FAF1: variants seen among roughly 807,000 people sequenced by gnomAD.
FAF1 encodes FAS-associated factor 1.
Under a neutral mutation model 92.5 loss-of-function variants are expected in FAF1, and 25 were observed. That is an observed-to-expected ratio of 0.27 (90% CI 0.20 to 0.38). FAF1 has a LOEUF of 0.38. Among genes scored for constraint, FAF1 ranks in the 10% least tolerant of loss-of-function variants. The probability of loss-of-function intolerance (pLI) is 1.00; values close to 1 mark genes in which losing one functional copy is unlikely to be tolerated. For missense variants in FAF1, 636 were observed against 793.3 expected, an observed-to-expected ratio of 0.80 and a Z score of 2.38; for synonymous variants, 234 against 273.2, an observed-to-expected ratio of 0.86 and a Z score of 1.42.
rs576455079 is a variant in FAF1, at chr1:50,440,614, C to T, written c.*826G>A. ...AAGAGAGAATTGTGTTCAGTTTACA[C>T]TGATGGACTAGCAACTTGGGAGCTG... On this transcript the variant is annotated 3_prime_UTR_variant, in exon 19 of 19. Coordinates refer to ENST00000396153, the MANE Select transcript of FAF1 (RefSeq NM_007051.3). 2.0e-5 allele frequency: 3 copies of T among 152,374 alleles called. No individual in the cohort carries two copies. The South Asian group carries it at 6.2e-4, about 32-fold the overall frequency. The allele number at this position is 152,374 out of a possible 1,614,324, so 9.4% of individuals were successfully genotyped here.
chr1:50,439,307 T>C lies in FAF1; in HGVS notation c.*2133A>G, dbSNP rs768371770. 1 of 152,258 alleles carries C rather than the reference T, an allele frequency of 6.6e-6. No individual in the cohort carries two copies. The highest frequency in any genetic ancestry group is 1.5e-5 in the Non-Finnish European group (1 of 68,054). 9.4% of individuals were successfully genotyped at this position (152,258 alleles called of 1,614,324 possible). On this transcript the variant is annotated 3_prime_UTR_variant, in exon 19 of 19. Transcript: ENST00000396153. ...TTGTCTGAAGCTTAGTAGACCATCA[T>C]GTCCTGAGTGAACAGTGACAATTAG...
chr1:50,671,610 T>G (rs1655882901), intron 7 of FAF1, among the ~76,000 whole-genome samples: 1 of 152,208 alleles, frequency 6.6e-6, no homozygotes, highest in Admixed American at 6.6e-5. Flanking sequence ...TCCCTTTTTT[T>G]GGGTCAAGAT....
At chr1:50,617,940 T>C (rs1653004448) in intron 8 of FAF1, among the ~76,000 whole-genome samples, 1 of 152,176 alleles carries the variant, frequency 6.6e-6, no homozygotes, top group Non-Finnish European at 1.5e-5. Flanking sequence ...CTAATTTGTG[T>C]GCATAGAGTT....
At chr1:50,902,497 T>G (rs986237533) in intron 1 of FAF1, among the ~76,000 whole-genome samples, 1 of 152,196 alleles carries the variant, frequency 6.6e-6, no homozygotes, top group African/African-American at 2.4e-5. Context: ...TAGGGCTACT[T>G]AAAATTTTTA....
intron 1 of FAF1, among the ~76,000 whole-genome samples, chr1:50,914,038 G>A (rs1340526327): frequency 6.6e-6 from 1 of 152,104 alleles, no homozygotes; most frequent in Non-Finnish European, 1.5e-5. Flanking sequence ...TCAATCTCCT[G>A]TATATCTGTT....
At position 50,788,171 on chromosome 1, in the gene FAF1, A is replaced by G. The variant is rs1435882499; in HGVS notation, c.196T>C (p.Phe66Leu). 1.9e-6 allele frequency: 3 copies of G among 1,614,020 alleles called. No homozygotes were observed. In the African/African-American group the frequency reaches 4.0e-5, roughly 22 times the overall value. Residue 66 changes from phenylalanine to leucine, a missense_variant, in exon 4 of 19, where the codon TTT becomes CTT. Around this residue, in one of 2 missense-constraint regions of FAF1, gnomAD observed 317 missense variants for 342.4 expected, o/e 0.93. Coordinates refer to ENST00000396153, the MANE Select transcript of FAF1 (RefSeq NM_007051.3). ...GAAGCTGGATGACTTGCTGGATTAA[A>G]TGCAGGTCCTGGTATGGTCTCACCT... ...YGGETIPGPA[F>L]NPASHPASAP... is the part of the protein sequence containing the mutation.
intron 1 of FAF1, among the ~76,000 whole-genome samples, chr1:50,885,775 T>C (rs1644656983): frequency 6.6e-6 from 1 of 152,188 alleles, no homozygotes; most frequent in African/African-American, 2.4e-5. Context: ...GTTGCCTTCC[T>C]TTCTTCCTTT....
intron 1 of FAF1, among the ~76,000 whole-genome samples, chr1:50,926,052 T>C (rs978853508): frequency 3.9e-5 from 6 of 151,944 alleles, no homozygotes; most frequent in African/African-American, 1.5e-4. Context: ...CCCATCTCTA[T>C]AAAAAGTAAA....
intron 1 of FAF1, among the ~76,000 whole-genome samples, chr1:50,929,071 C>CAAAAA (rs59078269): frequency 5.4e-5 from 2 of 36,766 alleles, no homozygotes; most frequent in African/African-American, 1.2e-4. Context: ...GACACTGTCT[C>CAAAAA]AAAAAAAAAA....
intron 7 of FAF1, among the ~76,000 whole-genome samples, chr1:50,663,036 C>T (rs1339038873): frequency 1.3e-5 from 2 of 151,442 alleles, no homozygotes; most frequent in East Asian, 1.9e-4. Context: ...CTGGATTTTA[C>T]GATAAAAGAC....
intron 1 of FAF1, among the ~76,000 whole-genome samples, chr1:50,901,041 GTAGA>G (rs1022416903): frequency 6.6e-6 from 1 of 152,060 alleles, no homozygotes; most frequent in Non-Finnish European, 1.5e-5. Flanking sequence ...ATTAAAAAAA[GTAGA>G]TAGAAAAATA....
At chr1:50,744,817 C>G in intron 4 of FAF1, 42 bp from the exon 5 acceptor site, 2 of 1,194,570 alleles carry the variant, frequency 1.7e-6, no homozygotes, top group Non-Finnish European at 2.4e-6. Context: ...AACAAAATAA[C>G]ACAGTTAACA....
chr1:50,510,938 C>A (rs539527480), intron 15 of FAF1, among the ~76,000 whole-genome samples: 53 of 152,206 alleles, frequency 3.5e-4, no homozygotes, highest in Admixed American at 3.2e-3. Flanking sequence ...TTATTTTAAA[C>A]TCTGCCTATG....
At position 50,554,623 on chromosome 1, in the gene FAF1, C is replaced by A. The variant is rs576155499; in HGVS notation, c.1268+12454G>T. ...TTACTGTCGTCTTCTTCACTACACC[C>A]CACTAAAATCACTCTGATCAGATTA... On this transcript the variant is annotated intron_variant, in intron 13 of 18. Coordinates refer to ENST00000396153, the MANE Select transcript of FAF1 (RefSeq NM_007051.3). Among the ~76,000 whole-genome samples, 3 of 152,152 alleles carry A rather than the reference C, an allele frequency of 2.0e-5. No individual in the cohort carries two copies. The East Asian group carries it at 5.8e-4, about 29-fold the overall frequency.
rs1557967046 is a variant in FAF1, at chr1:50,490,680, GA to G, written c.1576-16del. 1 of 1,546,130 alleles carries G rather than the reference GA, an allele frequency of 6.5e-7. No homozygotes were observed. The highest frequency in any genetic ancestry group is 1.7e-5 in the Admixed American group (1 of 59,878). On this transcript the variant is annotated splice_polypyrimidine_tract_variant and intron_variant, in intron 16 of 18. Transcript: ENST00000396153. ...TGAGCTTCCCTCTGTTGATAAAACAGAAAAGGAACAAGCACTTAACACATAC... is the reference window on the plus strand; with the variant it reads ...TGAGCTTCCCTCTGTTGATAAAACAGAAAGGAACAAGCACTTAACACATAC...
At chr1:50,876,192 G>C (rs922622640) in intron 1 of FAF1, among the ~76,000 whole-genome samples, 5 of 152,184 alleles carry the variant, frequency 3.3e-5, no homozygotes, top group African/African-American at 9.7e-5. Context: ...ATGAAATGGA[G>C]TACGTCAGGC....
At chr1:50,554,378 T>G (rs1368190141) in intron 13 of FAF1, among the ~76,000 whole-genome samples, 6 of 99,978 alleles carry the variant, frequency 6.0e-5, no homozygotes, top group African/African-American at 1.0e-4. Context: ...TATATATATA[T>G]ATATATATAT....
intron 1 of FAF1, among the ~76,000 whole-genome samples, chr1:50,933,008 G>A (rs1254676725): frequency 1.3e-5 from 2 of 152,090 alleles, no homozygotes; most frequent in African/African-American, 4.8e-5. Flanking sequence ...TGGGACACAG[G>A]GCACCAAGTT....
At chr1:50,554,389 A>AGAGAGAGAG (rs1246631181) in intron 13 of FAF1, among the ~76,000 whole-genome samples, 1 of 103,784 alleles carries the variant, frequency 9.6e-6, no homozygotes, top group Non-Finnish European at 2.1e-5. Context: ...ATATATATAT[A>AGAGAGAGAG]TAGAGAGAGA....
Sources: gnomAD v4.1 joint callset for allele counts (sites outside exome capture counted in the v4.1 genomes callset) on GRCh38, gnomAD v4.1.1 for gene constraint, gnomAD v4.1.1 regional missense constraint, MANE v1.5 for transcripts, NCBI Gene and HGNC (gene_info 2026-07-23, HGNC 2026-07-21) for gene names.